ANKRD26: variants seen among roughly 807,000 people sequenced by gnomAD.
ANKRD26 encodes the protein ankyrin repeat domain 26.
A neutral mutation model predicts 208.7 loss-of-function variants in ANKRD26; 141 were observed. That is an observed-to-expected ratio of 0.68 (90% CI 0.59 to 0.78). The LOEUF (loss-of-function observed/expected upper bound fraction) is 0.78. Ranked by LOEUF, ANKRD26 falls within the 30% of genes least tolerant of loss-of-function variation. ANKRD26 has a pLI of 0.00. For synonymous variants in ANKRD26, 636 were observed against 660.4 expected (o/e 0.96, Z 0.57); for missense variants, 1,889 against 1,938.7 (o/e 0.97, Z 0.48).
chr10:26,969,590 A>G (rs1247405929), downstream of ANKRD26, among the ~76,000 whole-genome samples: 3 of 152,194 alleles, frequency 2.0e-5, no homozygotes, highest in Admixed American at 6.5e-5. Context: ...ATTTCTGCTG[A>G]GGATCCAGAC....
intron 16 of ANKRD26, among the ~76,000 whole-genome samples, chr10:27,049,342 GACACAAGATGCATCTTC>G (rs1192876958): frequency 6.6e-6 from 1 of 152,092 alleles, no homozygotes; most frequent in African/African-American, 2.4e-5. Flanking sequence ...AAAAGACAAA[GACACAAGATGCATCTTC>G]TTCTGCCTTT....
chr10:27,060,351 T>C lies in ANKRD26; in HGVS notation c.1558A>G (p.Lys520Glu), dbSNP rs1209226294. Residue 520 changes from lysine to glutamate, a missense_variant, in exon 15 of 34, where the codon AAA (lysine) becomes GAA (glutamate). By Grantham distance (56) the Lys-to-Glu change is moderately conservative. This residue lies in a region of ANKRD26 where 1,272 missense variants were observed against 1,273.8 expected (regional missense o/e 1.00). Coordinates refer to ENST00000376087, the MANE Select transcript of ANKRD26 (RefSeq NM_014915.3). ...TATATATTGCAACATTTACCTGCTT[T>C]GGATGTTTGTACATCCTTCATTCCT... is the stretch of plus-strand genomic sequence containing the variant. ...AGGMKDVQTS[K>E]AAEHDLEVAS... The C allele has an allele frequency of 6.2e-7, 1 of 1,603,980 alleles. No individual in the cohort carries two copies. The highest frequency in any genetic ancestry group is 1.3e-5 in the African/African-American group (1 of 74,668).
intron 6 of ANKRD26, 59 bp from the exon 7 acceptor site, chr10:27,079,220 A>C: frequency 6.8e-7 from 1 of 1,473,796 alleles, no homozygotes; most frequent in Non-Finnish European, 9.5e-7. Flanking sequence ...CAAAACAAAA[A>C]CCAGCTTACA....
intron 9 of ANKRD26, among the ~76,000 whole-genome samples, chr10:27,076,171 A>G: frequency 6.6e-6 from 1 of 152,176 alleles, no homozygotes; most frequent in East Asian, 1.9e-4. Context: ...GAAGAAATGA[A>G]ATAACAAAGA....
chr10:26,951,285 T>TG, the ANKRD26 span, among the ~76,000 whole-genome samples: 2 of 152,290 alleles, frequency 1.3e-5, no homozygotes, highest in South Asian at 4.1e-4. Context: ...AGTTTGTACT[T>TG]TGTGTAATCA....
intron 3 of ANKRD26, among the ~76,000 whole-genome samples, chr10:26,985,409 T>C (rs2052369854): frequency 6.6e-6 from 1 of 152,180 alleles, no homozygotes; most frequent in South Asian, 2.1e-4. Flanking sequence ...TATTATTAGG[T>C]TCACATCATA....
chr10:27,019,172 C>G (rs971616279), intron 29 of ANKRD26, among the ~76,000 whole-genome samples: 12 of 151,944 alleles, frequency 7.9e-5, no homozygotes, highest in African/African-American at 2.7e-4. Context: ...CCCAGCTACT[C>G]GGGAGGCTGA....
chr10:27,028,001 C>T (rs117685742), intron 27 of ANKRD26, among the ~76,000 whole-genome samples: 2,348 of 152,266 alleles, frequency 0.015, 28 homozygotes, highest in Non-Finnish European at 0.025. Flanking sequence ...TTTTGTCCAA[C>T]TGTAGGCTAA....
chr10:27,058,829 G>A (rs2054935821), intron 15 of ANKRD26, among the ~76,000 whole-genome samples: 1 of 152,058 alleles, frequency 6.6e-6, no homozygotes, highest in Admixed American at 6.6e-5. Context: ...GCCCGCCTCA[G>A]CCTCCCAAAG....
At chr10:27,049,720 A>C (rs2054581828) in intron 16 of ANKRD26, among the ~76,000 whole-genome samples, 2 of 152,204 alleles carry the variant, frequency 1.3e-5, no homozygotes, top group African/African-American at 4.8e-5. Context: ...AGATTAAAAC[A>C]AGAAAGATTA....
intron 9 of ANKRD26, among the ~76,000 whole-genome samples, chr10:27,072,858 T>C (rs544821051): frequency 2.0e-5 from 3 of 148,276 alleles, no homozygotes; most frequent in African/African-American, 8.0e-5. Flanking sequence ...CTATTTGTAA[T>C]GCAGGAAATC....
intron 25 of ANKRD26, among the ~76,000 whole-genome samples, chr10:27,030,178 T>C (rs146808306): frequency 0.013 from 2,001 of 152,332 alleles, 20 homozygotes; most frequent in Non-Finnish European, 0.022. Flanking sequence ...TGGTCTACTA[T>C]AGCTGCACTG....
intron 12 of ANKRD26, 111 bp downstream of exon 12, chr10:27,063,877 T>C (rs1175104585): frequency 1.1e-6 from 1 of 876,056 alleles, no homozygotes; most frequent in Non-Finnish European, 1.8e-6. Context: ...TCTTTATTCT[T>C]ACTATGCATT....
At chr10:26,953,245 G>C in the ANKRD26 span, among the ~76,000 whole-genome samples, 1,493 of 152,148 alleles carry the variant, frequency 9.8e-3, 10 homozygotes, top group Non-Finnish European at 0.015. Context: ...GGCAACATAA[G>C]CAAGACCCTG....
At chr10:26,962,436 G>A in the ANKRD26 span, among the ~76,000 whole-genome samples, 14 of 152,094 alleles carry the variant, frequency 9.2e-5, no homozygotes, top group Admixed American at 4.6e-4. Context: ...TTAGCCAGGC[G>A]TGGTGGCGGG....
Position 27,067,275 on chromosome 10 carries a change from T to C in ANKRD26, c.1089A>G (p.Thr363=). 6.2e-7 allele frequency: 1 copy of C among 1,613,324 alleles called. No homozygotes were observed. The highest frequency in any genetic ancestry group is 8.5e-7 in the Non-Finnish European group (1 of 1,179,916). Residue 363 remains threonine, a synonymous_variant, in exon 10 of 34, where the codon ACA becomes ACG. Coordinates refer to ENST00000376087, the MANE Select transcript of ANKRD26 (RefSeq NM_014915.3). ...TTTCTTTTTTTGCAATGCCTGGCTT[T>C]GTTGGTTCTTCCTATTAAAAACAAA... The part of the protein sequence containing the change: ...ANPGLMKEEP[T]KPGIAKKENG...
At chr10:27,084,001 C>A (rs1348013974) in intron 5 of ANKRD26, among the ~76,000 whole-genome samples, 3 of 151,916 alleles carry the variant, frequency 2.0e-5, no homozygotes, top group Non-Finnish European at 4.4e-5. Flanking sequence ...GAACATGAGG[C>A]CAGGAGTTCA....
At chr10:27,016,280 T>C (rs2053288275) in intron 30 of ANKRD26, among the ~76,000 whole-genome samples, 1 of 152,074 alleles carries the variant, frequency 6.6e-6, no homozygotes, top group African/African-American at 2.4e-5. Context: ...TGAGCTACCA[T>C]GCCCAGCCTA....
chr10:26,973,662 T>TTC (rs2052182122), downstream of ANKRD26, among the ~76,000 whole-genome samples: 1 of 139,334 alleles, frequency 7.2e-6, no homozygotes. Flanking sequence ...TTTTTTTTTT[T>TTC]TTTTTTTGTG....
Sources: allele counts gnomAD v4.1 joint callset (sites outside exome capture counted in the v4.1 genomes callset), GRCh38; gene constraint gnomAD v4.1.1; regional missense constraint gnomAD v4.1.1; transcripts MANE v1.5; gene names NCBI Gene and HGNC (gene_info 2026-07-23, HGNC 2026-07-21).